EPHA6: variants seen among roughly 807,000 people sequenced by gnomAD.
The protein encoded by EPHA6 is ephrin type-A receptor 6.
EPHA6 carries 50 observed loss-of-function variants against 112.0 expected under a neutral mutation model. The ratio of observed to expected loss-of-function variants is 0.45; its 90% CI spans 0.36 to 0.56. The LOEUF (loss-of-function observed/expected upper bound fraction) is 0.56, where lower values mean the gene tolerates loss of function less well. Among genes scored for constraint, EPHA6 ranks in the 20% least tolerant of loss-of-function variants. The pLI, the probability that EPHA6 is intolerant of heterozygous loss-of-function variation, is 0.00. For synonymous variants in EPHA6, 529 were observed against 490.7 expected (o/e 1.08, Z -1.03); for missense variants, 1,280 against 1,417.4 (o/e 0.90, Z 1.56).
chr3:97,061,867 C>CAT (rs1483085479), intron 3 of EPHA6, among the ~76,000 whole-genome samples: 1 of 152,088 alleles, frequency 6.6e-6, no homozygotes, highest in Non-Finnish European at 1.5e-5. Context: ...CATAAAAAGG[C>CAT]ATACTATTTA....
In EPHA6 at chr3:97,408,189, A is replaced by C. The variant is rs1484942141; in HGVS notation, c.1731+2915A>C. Among the ~76,000 whole-genome samples the C allele has an allele frequency of 2.6e-5, 4 of 152,096 alleles. No homozygotes were observed. In the East Asian group the frequency reaches 7.7e-4, roughly 29 times the overall value. ...GCACCAATCCCACCCAAGAGGGTGT[A>C]GCCTTCATGGCCTAATGATCTCTTA... On this transcript the variant is annotated intron_variant, in intron 6 of 17. Transcript: ENST00000389672.
chr3:96,955,478 G>T (rs893891042), intron 2 of EPHA6, among the ~76,000 whole-genome samples: 1 of 152,080 alleles, frequency 6.6e-6, no homozygotes, highest in South Asian at 2.1e-4. Flanking sequence ...ACAGTTTTTG[G>T]TATATGAAGA....
intron 14 of EPHA6, among the ~76,000 whole-genome samples, chr3:97,669,358 T>A (rs2030538719): frequency 7.0e-6 from 1 of 142,808 alleles, no homozygotes; most frequent in Non-Finnish European, 1.6e-5. Flanking sequence ...AGTGTATCAG[T>A]AATTATCTTG....
At chr3:97,484,835 T>G (rs2107500988) in intron 10 of EPHA6, among the ~76,000 whole-genome samples, 1 of 152,364 alleles carries the variant, frequency 6.6e-6, no homozygotes, top group Middle Eastern at 3.4e-3. Flanking sequence ...TACATCTGCC[T>G]TCCTGACTGT....
intron 1 of EPHA6, among the ~76,000 whole-genome samples, chr3:96,851,543 G>A (rs1252348953): frequency 4.6e-5 from 7 of 152,144 alleles, no homozygotes; most frequent in Admixed American, 4.6e-4. Context: ...ATATGAAACA[G>A]TCTTTCCTGG....
rs191313330 is a variant in EPHA6, at chr3:97,472,603, C to T, written c.1895-2749C>T. ...GGACCAACACTAATATGATAAAACGCAAAAATTATCCCCATCAGGACCAAG... is the reference window on the plus strand; with the variant it reads ...GGACCAACACTAATATGATAAAACGTAAAAATTATCCCCATCAGGACCAAG... On this transcript the variant is annotated intron_variant, in intron 7 of 17. Coordinates refer to ENST00000389672, the MANE Select transcript of EPHA6 (RefSeq NM_001080448.3). Among the ~76,000 whole-genome samples the T allele has an allele frequency of 3.2e-3, 484 of 151,800 alleles. 2 individuals are homozygous for T. Among genetic ancestry groups the T allele is most frequent in the Non-Finnish European group, 5.0e-3 (340 of 67,748 alleles).
At chr3:96,952,487 G>A (rs941079625) in intron 2 of EPHA6, among the ~76,000 whole-genome samples, 5 of 152,088 alleles carry the variant, frequency 3.3e-5, no homozygotes, top group African/African-American at 9.7e-5. Flanking sequence ...GGCCCTCTTC[G>A]TTTCTCTTTT....
Position 97,347,418 on chromosome 3 carries a change from G to A in EPHA6, c.1607-57732G>A, listed in dbSNP as rs2083587605. The stretch of plus-strand genomic sequence containing the variant: ...TGTTTTGTTCAATATTATATGTCCT[G>A]TACCTATCACAGAGTAAATGTACAA... On this transcript the variant is annotated intron_variant, in intron 5 of 17. Coordinates refer to ENST00000389672, the MANE Select transcript of EPHA6 (RefSeq NM_001080448.3). 3.9e-5 allele frequency among the ~76,000 whole-genome samples: 6 copies of A among 151,960 alleles called. No individual in the cohort carries two copies. The South Asian group carries it at 1.2e-3, about 31-fold the overall frequency.
intron 1 of EPHA6, among the ~76,000 whole-genome samples, chr3:96,855,901 A>G (rs749748611): frequency 6.6e-6 from 1 of 152,154 alleles, no homozygotes; most frequent in African/African-American, 2.4e-5. Flanking sequence ...TTAGAACTGC[A>G]GTATATTTAC....
intron 3 of EPHA6, among the ~76,000 whole-genome samples, chr3:97,166,435 G>C (rs537662053): frequency 4.0e-5 from 6 of 151,748 alleles, no homozygotes; most frequent in South Asian, 4.2e-4. Flanking sequence ...GGGAGACCCT[G>C]CCTGTGATCT....
chr3:97,193,455 A>T (rs910035725), intron 3 of EPHA6, among the ~76,000 whole-genome samples: 37 of 152,102 alleles, frequency 2.4e-4, no homozygotes, highest in African/African-American at 8.9e-4. Context: ...CTACTGACAT[A>T]TAAGAATACT....
At chr3:97,007,819 A>T (rs1405551514) in intron 3 of EPHA6, among the ~76,000 whole-genome samples, 1 of 152,138 alleles carries the variant, frequency 6.6e-6, no homozygotes, top group Non-Finnish European at 1.5e-5. Flanking sequence ...ATCCCTGAGC[A>T]TTTGTTTGTC....
intron 14 of EPHA6, among the ~76,000 whole-genome samples, chr3:97,679,528 T>C (rs374645070): frequency 7.0e-4 from 106 of 152,304 alleles, no homozygotes; most frequent in African/African-American, 2.5e-3. Flanking sequence ...TAATGTACTA[T>C]AATATGGCAC....
chr3:97,214,251 C>T (rs1437926152), intron 3 of EPHA6, among the ~76,000 whole-genome samples: 1 of 151,992 alleles, frequency 6.6e-6, no homozygotes, highest in African/African-American at 2.4e-5. Flanking sequence ...GTTGGCCAGG[C>T]TGGTCTCAAA....
chr3:97,614,028 C>T (rs955777363), intron 13 of EPHA6, among the ~76,000 whole-genome samples: 2 of 152,182 alleles, frequency 1.3e-5, no homozygotes, highest in African/African-American at 4.8e-5. Flanking sequence ...GAACATTCCA[C>T]TTAGAACTTC....
chr3:96,863,573 C>G (rs1348693680), intron 1 of EPHA6, among the ~76,000 whole-genome samples: 4 of 151,880 alleles, frequency 2.6e-5, no homozygotes, highest in African/African-American at 9.7e-5. Context: ...TTAGGTCAAT[C>G]TTGTTTCTGG....
intron 2 of EPHA6, among the ~76,000 whole-genome samples, chr3:96,936,749 T>TC (rs1236674441): frequency 2.0e-5 from 3 of 152,152 alleles, no homozygotes; most frequent in Admixed American, 6.5e-5. Context: ...CCTAATGCTA[T>TC]CCCTCACCAC....
chr3:96,867,560 G>A (rs2036391163), intron 2 of EPHA6, among the ~76,000 whole-genome samples: 1 of 151,646 alleles, frequency 6.6e-6, no homozygotes, highest in African/African-American at 2.4e-5. Flanking sequence ...ATAAAAGGGT[G>A]GTTTCTAAAG....
At chr3:97,661,114 A>T (rs1350308056) in intron 14 of EPHA6, among the ~76,000 whole-genome samples, 1 of 152,196 alleles carries the variant, frequency 6.6e-6, no homozygotes, top group Non-Finnish European at 1.5e-5. Flanking sequence ...AAATCCAGAA[A>T]TAACATCTCT....
Sources: gnomAD v4.1 joint callset for allele counts (sites outside exome capture counted in the v4.1 genomes callset) on GRCh38, gnomAD v4.1.1 for gene constraint, MANE v1.5 for transcripts, NCBI Gene and HGNC (gene_info 2026-07-23, HGNC 2026-07-21) for gene names.